TOP3A: variants seen among roughly 807,000 people sequenced by gnomAD.
TOP3A encodes DNA topoisomerase III alpha.
In TOP3A, 64 loss-of-function variants were observed where a neutral mutation model predicts 111.3. That is an observed-to-expected ratio of 0.57 (90% CI 0.47 to 0.71). The LOEUF (loss-of-function observed/expected upper bound fraction) is 0.71, where lower values mean the gene tolerates loss of function less well. Ranked by LOEUF, TOP3A falls within the 30% of genes least tolerant of loss-of-function variation. The pLI, the probability that TOP3A is intolerant of heterozygous loss-of-function variation, is 0.00. For synonymous variants in TOP3A, 484 were observed against 485.1 expected (o/e 1.00, Z 0.03); for missense variants, 1,104 against 1,285.0 (o/e 0.86, Z 2.15).
chr17:18,311,654 A>G (rs1298546646), intron 1 of TOP3A, among the ~76,000 whole-genome samples: 1 of 152,250 alleles, frequency 6.6e-6, no homozygotes, highest in African/African-American at 2.4e-5. Context: ...GCGTTAGGAC[A>G]TAGCAATTAA....
intron 18 of TOP3A, among the ~76,000 whole-genome samples, chr17:18,275,293 CAAAAAAAAAAAAAA>C (rs538677203): frequency 1.2e-4 from 7 of 60,732 alleles, no homozygotes; most frequent in African/African-American, 4.3e-4. Flanking sequence ...GACCCTGTCT[CAAAAAAAAAAAAAA>C]AAAAAAAAAG....
In TOP3A at chr17:18,271,584, A is replaced by G; in HGVS notation, c.*3218T>C. 4.0e-6 allele frequency: 1 copy of G among 251,746 alleles called. No individual in the cohort carries two copies. Among genetic ancestry groups the G allele is most frequent in the Non-Finnish European group, 8.0e-6 (1 of 125,412 alleles). The allele number at this position is 251,746 out of a possible 1,614,324, so 15.6% of individuals were successfully genotyped here. On this transcript the variant is annotated 3_prime_UTR_variant, in exon 19 of 19. Coordinates refer to ENST00000321105, the MANE Select transcript of TOP3A (RefSeq NM_004618.5). ...GTGGCAGAAGAGGCCAGGAAGTGGG[A>G]GCTGAGCCTGGGTCTGTCTGATCTC...
intron 15 of TOP3A, among the ~76,000 whole-genome samples, chr17:18,284,212 C>T (rs1223729105): frequency 6.7e-6 from 1 of 149,364 alleles, no homozygotes; most frequent in African/African-American, 2.5e-5. Flanking sequence ...AGGGGTTTCA[C>T]TGTGTTGGCC....
chr17:18,293,835 T>C (rs1213811637), intron 10 of TOP3A, among the ~76,000 whole-genome samples: 2 of 152,160 alleles, frequency 1.3e-5, no homozygotes, highest in Admixed American at 1.3e-4. Flanking sequence ...GACCTCATGA[T>C]CCACCCACCT....
At chr17:18,305,486 ACGCGCGCGCGCGCGCG>A (rs34041678) in intron 4 of TOP3A, among the ~76,000 whole-genome samples, 2 of 149,414 alleles carry the variant, frequency 1.3e-5, no homozygotes, top group Non-Finnish European at 3.0e-5. Context: ...ACACACACAC[ACGCGCGCGCGCGCGCG>A]CGCACGCACA....
intron 1 of TOP3A, chr17:18,312,789 G>C (rs1182534491): frequency 9.9e-6 from 2 of 202,612 alleles, no homozygotes; most frequent in South Asian, 1.7e-4. Flanking sequence ...AGAGGACGAG[G>C]CATCTGATGT....
rs1428940555 is a variant in TOP3A at position 18,308,358 on chromosome 17, G to A, written c.307C>T (p.Arg103Ter). 15 of 1,595,436 alleles carry A rather than the reference G, an allele frequency of 9.4e-6. No individual in the cohort carries two copies. The highest frequency in any genetic ancestry group is 2.3e-5 in the South Asian group (2 of 88,764). The change falls in exon 3 of 19, where the codon CGA becomes TGA. Residue 103 changes from arginine to a stop codon, truncating the protein, a stop_gained. Coordinates refer to ENST00000321105, the MANE Select transcript of TOP3A (RefSeq NM_004618.5). LOFTEE classifies it high-confidence loss of function. ...LLAHDFQMQF[R>*]KWQSCNPLVL... ...CTTGAGAATTGTACTGACCATTTTC[G>A]AAACTGCATCTGGAAATCATGAGCC...
intron 4 of TOP3A, among the ~76,000 whole-genome samples, chr17:18,305,440 C>T (rs961255986): frequency 6.6e-6 from 1 of 151,680 alleles, no homozygotes; most frequent in Non-Finnish European, 1.5e-5. Context: ...TTTAATATAA[C>T]TTCCCCAATA....
intron 1 of TOP3A, chr17:18,312,204 C>T (rs1981953878): frequency 6.6e-6 from 1 of 152,444 alleles, no homozygotes; most frequent in Non-Finnish European, 1.5e-5. Context: ...ACAGTACAGA[C>T]AAGAGACAGA....
chr17:18,306,962 T>C lies in TOP3A; in HGVS notation c.319A>G (p.Ser107Gly), dbSNP rs558756856. 2 of 1,612,986 alleles carry C rather than the reference T, an allele frequency of 1.2e-6. No homozygotes were observed. Among genetic ancestry groups the C allele is most frequent in the Non-Finnish European group, 1.7e-6 (2 of 1,179,356 alleles). Reference protein sequence around the residue: ...DFQMQFRKWQSCNPLVLFEAE... With the variant: ...DFQMQFRKWQGCNPLVLFEAE... ...TCAAAGAGGACAAGAGGGTTGCAGC[T>C]CTGCCTAGAAAAGAAATGAAAACAG... Residue 107 changes from serine (S) to glycine (G), a missense_variant, in exon 4 of 19, where the codon AGC (serine) becomes GGC (glycine). Ser to Gly is a moderately conservative substitution (Grantham distance 56). Coordinates refer to ENST00000321105, the MANE Select transcript of TOP3A (RefSeq NM_004618.5).
chr17:18,290,079 T>C lies in TOP3A; in HGVS notation c.1597+478A>G, dbSNP rs115926350. 6.2e-3 allele frequency among the ~76,000 whole-genome samples: 950 copies of C among 152,340 alleles called. 3 individuals are homozygous for C. Among genetic ancestry groups the C allele is most frequent in the Non-Finnish European group, 8.0e-3 (541 of 68,034 alleles). ...GCGTGAGCAGCCTGAGTGAGCAGTG[T>C]GGGTTCAGACCTGCAGAGACAGCTG... is the stretch of plus-strand genomic sequence containing the variant. On this transcript the variant is annotated intron_variant, in intron 13 of 18. Coordinates refer to ENST00000321105, the MANE Select transcript of TOP3A (RefSeq NM_004618.5).
intron 11 of TOP3A, among the ~76,000 whole-genome samples, chr17:18,292,182 C>T (rs932595928): frequency 8.5e-5 from 13 of 152,332 alleles, no homozygotes; most frequent in Non-Finnish European, 1.5e-5. Flanking sequence ...GCCTGCAGAG[C>T]CTGCCCCTGG....
intron 16 of TOP3A, 21 bp from the exon 17 acceptor site, chr17:18,280,679 C>T: frequency 6.2e-7 from 1 of 1,613,402 alleles, no homozygotes; most frequent in Non-Finnish European, 8.5e-7. Context: ...AGTGCCATGT[C>T]AGATGATAGG....
At chr17:18,304,759 CAACAAA>C (rs1489643657) in intron 5 of TOP3A, among the ~76,000 whole-genome samples, 1 of 151,998 alleles carries the variant, frequency 6.6e-6, no homozygotes, top group Non-Finnish European at 1.5e-5. Flanking sequence ...ACAACAACAA[CAACAAA>C]AAGAATATAA....
intron 13 of TOP3A, among the ~76,000 whole-genome samples, chr17:18,290,302 CTCT>C (rs1980384529): frequency 6.6e-6 from 1 of 152,238 alleles, no homozygotes; most frequent in African/African-American, 2.4e-5. Flanking sequence ...TGGGAAAAGT[CTCT>C]GTTACTATGT....
rs957350404 is a variant in TOP3A at position 18,275,779 on chromosome 17, G to A, written c.2828-799C>T. ...CGCCATTGTCCTGTCTCAGCCTCCCGAGAGTAGCTGGGACTACAGGGACCG... is the reference window on the plus strand; with the variant it reads ...CGCCATTGTCCTGTCTCAGCCTCCCAAGAGTAGCTGGGACTACAGGGACCG... On this transcript the variant is annotated intron_variant, in intron 18 of 18. Transcript: ENST00000321105. Among the ~76,000 whole-genome samples, 8 of 150,494 alleles carry A rather than the reference G, an allele frequency of 5.3e-5. No homozygotes were observed. The East Asian group carries it at 1.2e-3, about 22-fold the overall frequency.
At chr17:18,309,181 A>G (rs1306092152) in intron 1 of TOP3A, among the ~76,000 whole-genome samples, 1 of 152,220 alleles carries the variant, frequency 6.6e-6, no homozygotes, top group Non-Finnish European at 1.5e-5. Flanking sequence ...CATACCCATT[A>G]GGATAATAAT....
chr17:18,279,076 G>A (rs1418748737), intron 17 of TOP3A, among the ~76,000 whole-genome samples: 1 of 152,138 alleles, frequency 6.6e-6, no homozygotes, highest in Non-Finnish European at 1.5e-5. Context: ...GACTCAGCAG[G>A]CTGACTGCAG....
Position 18,278,012 on chromosome 17 carries a change from G to C in TOP3A, c.2490C>G (p.Asn830Lys). The C allele has an allele frequency of 3.1e-6, 5 of 1,614,148 alleles. No homozygotes were observed. The highest frequency in any genetic ancestry group is 4.2e-6 in the Non-Finnish European group (5 of 1,180,040). ...TGCACTTAAAGAACTGCCGGCCCCG[G>C]TTGGGGCCCTCCTTACGGACAGTGA... The part of the protein sequence containing the change: ...VLLTVRKEGP[N>K]RGRQFFKCNG... Residue 830 changes from asparagine to lysine, a missense_variant, in exon 18 of 19, where the codon AAC (asparagine) becomes AAG (lysine). Physicochemically the swap from Asn to Lys is moderately conservative, Grantham distance 94. Coordinates refer to ENST00000321105, the MANE Select transcript of TOP3A (RefSeq NM_004618.5).
Sources: gnomAD v4.1 joint callset for allele counts (sites outside exome capture counted in the v4.1 genomes callset) on GRCh38, gnomAD v4.1.1 for gene constraint, MANE v1.5 for transcripts, NCBI Gene and HGNC (gene_info 2026-07-23, HGNC 2026-07-21) for gene names.